UNC5D: variants seen among roughly 807,000 people sequenced by gnomAD.
The protein encoded by UNC5D is unc-5 netrin receptor D.
A neutral mutation model predicts 105.4 loss-of-function variants in UNC5D; 39 were observed. That is an observed-to-expected ratio of 0.37 (90% CI 0.29 to 0.48). UNC5D has a LOEUF of 0.48. UNC5D is among the 20% of genes least tolerant of loss of function. UNC5D has a pLI of 0.98. For missense variants in UNC5D, 991 were observed against 1,202.4 expected, an observed-to-expected ratio of 0.82 and a Z score of 2.60; for synonymous variants, 452 against 450.4, an observed-to-expected ratio of 1.00 and a Z score of -0.04.
chr8:35,326,850 T>G (rs1028728929), intron 1 of UNC5D, among the ~76,000 whole-genome samples: 1 of 151,888 alleles, frequency 6.6e-6, no homozygotes, highest in Non-Finnish European at 1.5e-5. Flanking sequence ...GAATCACCAC[T>G]AGGGGAGGCA....
At chr8:35,322,284 G>C (rs189684964) in intron 1 of UNC5D, among the ~76,000 whole-genome samples, 2 of 151,456 alleles carry the variant, frequency 1.3e-5, no homozygotes, top group Admixed American at 6.6e-5. Flanking sequence ...ACATTTCATG[G>C]TTCTTATTCC....
At chr8:35,312,588 G>A (rs1212332493) in intron 1 of UNC5D, among the ~76,000 whole-genome samples, 2 of 152,156 alleles carry the variant, frequency 1.3e-5, no homozygotes, top group Non-Finnish European at 2.9e-5. Context: ...GTAAGGATGG[G>A]CTTGTCACAC....
chr8:35,665,794 A>T (rs1824384291), intron 4 of UNC5D, among the ~76,000 whole-genome samples: 1 of 152,190 alleles, frequency 6.6e-6, no homozygotes. Flanking sequence ...ATCTGTGAGG[A>T]TATATAATGT....
chr8:35,320,599 C>G (rs750957374), intron 1 of UNC5D, among the ~76,000 whole-genome samples: 3 of 152,072 alleles, frequency 2.0e-5, no homozygotes, highest in Non-Finnish European at 2.9e-5. Context: ...TCCTTCAGGG[C>G]CTGCTGTTAT....
chr8:35,683,409 G>C (rs1426814860), intron 4 of UNC5D, 138 bp from the exon 5 acceptor site: 1 of 852,034 alleles, frequency 1.2e-6, no homozygotes, highest in African/African-American at 1.8e-5. Context: ...ACAGGATATG[G>C]AATAAAGAAA....
intron 6 of UNC5D, among the ~76,000 whole-genome samples, chr8:35,686,170 G>A (rs568302069): frequency 6.6e-6 from 1 of 152,268 alleles, no homozygotes; most frequent in African/African-American, 2.4e-5. Context: ...CAACCACTAA[G>A]AAAGTGGCTG....
chr8:35,380,287 A>G (rs1802969742), intron 1 of UNC5D, among the ~76,000 whole-genome samples: 1 of 151,372 alleles, frequency 6.6e-6, no homozygotes, highest in African/African-American at 2.4e-5. Context: ...TCCTAGTCCC[A>G]CTATGAGGAC....
chr8:35,556,908 C>T (rs890152221), intron 2 of UNC5D, among the ~76,000 whole-genome samples: 3 of 152,172 alleles, frequency 2.0e-5, no homozygotes, highest in Non-Finnish European at 4.4e-5. Context: ...AATGGAGTTG[C>T]TCTGGTTTGA....
At chr8:35,314,523 G>T (rs1809136227) in intron 1 of UNC5D, among the ~76,000 whole-genome samples, 2 of 151,960 alleles carry the variant, frequency 1.3e-5, no homozygotes, top group South Asian at 4.1e-4. Context: ...AAAGCAATTA[G>T]TAGGAATAGT....
chr8:35,487,662 A>T (rs1386173488), intron 1 of UNC5D, among the ~76,000 whole-genome samples: 1 of 152,044 alleles, frequency 6.6e-6, no homozygotes, highest in Non-Finnish European at 1.5e-5. Flanking sequence ...TAACAAGTGC[A>T]ATGCTGCTAT....
intron 3 of UNC5D, among the ~76,000 whole-genome samples, chr8:35,591,927 A>G (rs1189158516): frequency 1.5e-4 from 23 of 152,198 alleles, no homozygotes; most frequent in Non-Finnish European, 2.9e-5. Flanking sequence ...AATTGAGCAG[A>G]AGGGTATGGA....
chr8:35,706,520 G>A (rs541268051), intron 8 of UNC5D, among the ~76,000 whole-genome samples: 1 of 152,302 alleles, frequency 6.6e-6, no homozygotes, highest in Admixed American at 6.5e-5. Flanking sequence ...GCTGGAGAGA[G>A]GAGATGGCTG....
chr8:35,779,671 G>A (rs1802414620), intron 16 of UNC5D, among the ~76,000 whole-genome samples: 2 of 152,106 alleles, frequency 1.3e-5, no homozygotes, highest in African/African-American at 4.8e-5. Context: ...GGCCAGGCTG[G>A]TCTCAAACTC....
In UNC5D at chr8:35,745,136, G is replaced by A. The variant is rs561984296; in HGVS notation, c.1767-3391G>A. 9.2e-5 allele frequency among the ~76,000 whole-genome samples: 14 copies of A among 152,250 alleles called. No individual in the cohort carries two copies. The East Asian group carries it at 2.1e-3, about 23-fold the overall frequency. On this transcript the variant is annotated intron_variant, in intron 11 of 16. Transcript: ENST00000404895. ...CAAAATAATAATAAATAGGCAAATG[G>A]TATGGTACACTAGAGGGCATTAAGT...
At chr8:35,607,523 C>T (rs1247064579) in intron 4 of UNC5D, among the ~76,000 whole-genome samples, 1 of 152,134 alleles carries the variant, frequency 6.6e-6, no homozygotes, top group African/African-American at 2.4e-5. Context: ...TTTGTGTCGT[C>T]ATCCAAATTT....
intron 1 of UNC5D, among the ~76,000 whole-genome samples, chr8:35,351,640 A>G (rs1812246183): frequency 6.6e-6 from 1 of 152,078 alleles, no homozygotes; most frequent in Non-Finnish European, 1.5e-5. Context: ...AGTGTATAGC[A>G]TTAAATATTT....
At chr8:35,411,285 G>T (rs371242131) in intron 1 of UNC5D, among the ~76,000 whole-genome samples, 15 of 152,130 alleles carry the variant, frequency 9.9e-5, no homozygotes, top group South Asian at 8.3e-4. Context: ...CCTGAGATTT[G>T]CAAATTGAGT....
intron 1 of UNC5D, among the ~76,000 whole-genome samples, chr8:35,349,699 T>A (rs1812065909): frequency 6.6e-6 from 1 of 152,034 alleles, no homozygotes; most frequent in African/African-American, 2.4e-5. Flanking sequence ...AAAGCCAGTT[T>A]AGTTTATAAC....
chr8:35,610,820 G>A (rs1820622469), intron 4 of UNC5D, among the ~76,000 whole-genome samples: 2 of 151,946 alleles, frequency 1.3e-5, no homozygotes, highest in Admixed American at 6.6e-5. Flanking sequence ...ACATCAGTGG[G>A]GTATGGAAAT....
Sources: gnomAD v4.1 joint callset for allele counts (sites outside exome capture counted in the v4.1 genomes callset) on GRCh38, gnomAD v4.1.1 for gene constraint, MANE v1.5 for transcripts, NCBI Gene and HGNC (gene_info 2026-07-23, HGNC 2026-07-21) for gene names.